Variants in ARL14EPL observed in about 807,000 individuals in gnomAD.
The protein encoded by ARL14EPL is ARL14 effector protein-like.
A neutral mutation model predicts 15.9 loss-of-function variants in ARL14EPL; 17 were observed. The observed-to-expected ratio is 1.07, with a 90% CI of 0.73 to 1.60. The LOEUF is 1.60. ARL14EPL is among the 40% of genes most tolerant of loss of function. The pLI is 0.00. For synonymous variants in ARL14EPL, 78 were observed against 63.8 expected (o/e 1.22, Z -1.06); for missense variants, 214 against 185.9 (o/e 1.15, Z -0.88).
At chr5:116,042,337 G>C (rs1749175601) in intron 1 of ARL14EPL, among the ~76,000 whole-genome samples, 6 of 152,158 alleles carry the variant, frequency 3.9e-5, no homozygotes, top group Admixed American at 3.9e-4. Context: ...ACATTGTCTG[G>C]CTCATTAAGA....
At chr5:116,033,824 T>G (rs1749001346) in intron 1 of ARL14EPL, among the ~76,000 whole-genome samples, 4 of 152,220 alleles carry the variant, frequency 2.6e-5, no homozygotes, top group Admixed American at 2.6e-4. Flanking sequence ...AGGCTGTGTG[T>G]GTATTTAAAA....
At chr5:116,056,404 A>G (rs1749518739) in intron 3 of ARL14EPL, among the ~76,000 whole-genome samples, 1 of 152,182 alleles carries the variant, frequency 6.6e-6, no homozygotes. Flanking sequence ...GCCAGTGATA[A>G]TGAGCATTTT....
intron 1 of ARL14EPL, among the ~76,000 whole-genome samples, chr5:116,033,030 C>T (rs1477449994): frequency 6.6e-6 from 1 of 152,094 alleles, no homozygotes; most frequent in African/African-American, 2.4e-5. Context: ...AGCTCCTGGG[C>T]TCAAGTGATC....
rs1374063697 is a variant in ARL14EPL at position 116,059,095 on chromosome 5, G to A, written c.*148G>A. On this transcript the variant is annotated 3_prime_UTR_variant, in exon 4 of 4. Coordinates refer to ENST00000686077, the MANE Select transcript of ARL14EPL (RefSeq NM_001195581.2). Reference sequence around the variant, plus strand: ...GTCAAGCCCCAGAACAATGTAGAATGGGCAATAATTCTGTAACCTTCTTAA... The same window carrying A: ...GTCAAGCCCCAGAACAATGTAGAATAGGCAATAATTCTGTAACCTTCTTAA... 2.7e-6 allele frequency: 2 copies of A among 747,474 alleles called. No homozygotes were observed. The highest frequency in any genetic ancestry group is 1.8e-5 in the African/African-American group (1 of 56,682). The allele number at this position is 747,474 out of a possible 1,614,324, so 46.3% of individuals were successfully genotyped here.
At chr5:116,049,731 G>A (rs1359027787) in intron 1 of ARL14EPL, among the ~76,000 whole-genome samples, 1 of 152,184 alleles carries the variant, frequency 6.6e-6, no homozygotes, top group Admixed American at 6.5e-5. Context: ...AGAGAGATAA[G>A]TTGGCTATGA....
At chr5:116,036,964 T>C (rs1036259236) in intron 1 of ARL14EPL, among the ~76,000 whole-genome samples, 2 of 152,192 alleles carry the variant, frequency 1.3e-5, no homozygotes, top group African/African-American at 4.8e-5. Flanking sequence ...TGTTTTTCCA[T>C]TTTTAATTTG....
rs1179088031 is a variant in ARL14EPL, at chr5:116,058,868, A to G, written c.380A>G (p.Asn127Ser). Residue 127 changes from asparagine to serine, a missense_variant, in exon 4 of 4, where the codon AAC becomes AGC. By Grantham distance (46) the Asn-to-Ser change is conservative. Transcript: ENST00000686077. ...AAGTGTGGGCCCGAGTGCCGCTGCA[A>G]CCGACGGTGGGTTTACGATGCCATC... ...SNKCGPECRC[N>S]RRWVYDAIVT... The G allele has an allele frequency of 1.3e-6, 2 of 1,536,120 alleles. No individual in the cohort carries two copies. The highest frequency in any genetic ancestry group is 8.7e-7 in the Non-Finnish European group (1 of 1,146,900).
At chr5:116,056,049 G>C (rs1380835059) in intron 3 of ARL14EPL, among the ~76,000 whole-genome samples, 1 of 152,124 alleles carries the variant, frequency 6.6e-6, no homozygotes. Context: ...GTCTATCATT[G>C]TTGGACATTT....
Position 116,044,063 on chromosome 5 carries a change from A to G in ARL14EPL, c.-9-7394A>G, listed in dbSNP as rs573769962. Reference sequence around the variant, plus strand: ...TTTAATTATGCAAAATTTGCTGTGTAATCTCAAAAATATAGCAGTGGCTTA... The same window carrying G: ...TTTAATTATGCAAAATTTGCTGTGTGATCTCAAAAATATAGCAGTGGCTTA... On this transcript the variant is annotated intron_variant, in intron 1 of 3. Transcript: ENST00000686077. 5.3e-5 allele frequency among the ~76,000 whole-genome samples: 8 copies of G among 152,322 alleles called. No individual in the cohort carries two copies. In the South Asian group the frequency reaches 1.0e-3, roughly 20 times the overall value.
At chr5:116,047,800 T>A (rs773884506) in intron 1 of ARL14EPL, among the ~76,000 whole-genome samples, 3 of 151,974 alleles carry the variant, frequency 2.0e-5, no homozygotes, top group Non-Finnish European at 4.4e-5. Context: ...GTTAGAGTAA[T>A]ATTTTAAGGT....
chr5:116,043,000 C>T (rs759522986), intron 1 of ARL14EPL, among the ~76,000 whole-genome samples: 6 of 151,930 alleles, frequency 3.9e-5, no homozygotes, highest in Admixed American at 1.3e-4. Flanking sequence ...CTATGTACTA[C>T]GGTACTTGGG....
At chr5:116,034,111 T>C (rs1749006955) in intron 1 of ARL14EPL, among the ~76,000 whole-genome samples, 1 of 152,216 alleles carries the variant, frequency 6.6e-6, no homozygotes, top group Non-Finnish European at 1.5e-5. Context: ...AAAGGGGCTC[T>C]AAGCATGGGG....
chr5:116,055,461 G>C (rs992412220), intron 3 of ARL14EPL, among the ~76,000 whole-genome samples: 1 of 152,140 alleles, frequency 6.6e-6, no homozygotes, highest in African/African-American at 2.4e-5. Flanking sequence ...TATTTATACA[G>C]TGGAATACAT....
intron 1 of ARL14EPL, among the ~76,000 whole-genome samples, chr5:116,045,285 C>G (rs1300343388): frequency 1.3e-5 from 2 of 152,150 alleles, no homozygotes; most frequent in African/African-American, 4.8e-5. Flanking sequence ...AATCTCCACA[C>G]TTAAATATTT....
chr5:116,054,083 C>A lies in ARL14EPL; in HGVS notation c.166C>A (p.Pro56Thr), dbSNP rs748492536. The change falls in exon 3 of 4, where the codon CCT becomes ACT. Residue 56 changes from proline (P) to threonine (T), a missense_variant. Pro to Thr is a conservative substitution (Grantham distance 38, BLOSUM62 -1). Coordinates refer to ENST00000686077, the MANE Select transcript of ARL14EPL (RefSeq NM_001195581.2). ...TGGACCACAGGTAGCAGACTTTAATCCTGAAACAAGGCAGCAGAAAAAGAA... is the reference window on the plus strand; with the variant it reads ...TGGACCACAGGTAGCAGACTTTAATACTGAAACAAGGCAGCAGAAAAAGAA... ...NPGPQVADFN[P>T]ETRQQKKKAR... 25 of 1,535,648 alleles carry A rather than the reference C, an allele frequency of 1.6e-5. No homozygotes were observed. In the South Asian group the frequency reaches 2.9e-4, roughly 18 times the overall value.
At chr5:116,048,619 A>C (rs771636744) in intron 1 of ARL14EPL, among the ~76,000 whole-genome samples, 4 of 152,188 alleles carry the variant, frequency 2.6e-5, no homozygotes, top group Admixed American at 6.5e-5. Context: ...CATGTCTAAG[A>C]GCTACTGTTA....
intron 1 of ARL14EPL, among the ~76,000 whole-genome samples, chr5:116,046,154 G>T (rs1473104366): frequency 6.6e-6 from 1 of 152,126 alleles, no homozygotes; most frequent in Non-Finnish European, 1.5e-5. Context: ...CAAATAGCTT[G>T]ACTCTCTTGT....
chr5:116,047,667 T>C (rs1561578610), intron 1 of ARL14EPL, among the ~76,000 whole-genome samples: 1 of 152,220 alleles, frequency 6.6e-6, no homozygotes, highest in Non-Finnish European at 1.5e-5. Context: ...ATGTGTTCCT[T>C]CCTTCTGGGT....
intron 1 of ARL14EPL, among the ~76,000 whole-genome samples, chr5:116,043,928 A>T (rs1044528023): frequency 1.3e-5 from 2 of 152,196 alleles, no homozygotes; most frequent in Admixed American, 1.3e-4. Context: ...AAGGTCAAAC[A>T]TTGGCCAAAG....
Sources: allele counts gnomAD v4.1 joint callset (sites outside exome capture counted in the v4.1 genomes callset), GRCh38; gene constraint gnomAD v4.1.1; transcripts MANE v1.5; gene names NCBI Gene and HGNC (gene_info 2026-07-23, HGNC 2026-07-21).